The following VPS13C variants were observed in gnomAD, a reference collection of about 807,000 sequenced individuals.
VPS13C encodes intermembrane lipid transfer protein VPS13C.
VPS13C carries 358 observed loss-of-function variants against 456.8 expected under a neutral mutation model. The observed-to-expected ratio is 0.78, with a 90% CI of 0.72 to 0.86. The LOEUF is 0.86. Among genes scored for constraint, VPS13C ranks in the 40% least tolerant of loss-of-function variants. The pLI is 0.00. For synonymous variants in VPS13C, 1,578 were observed against 1,486.7 expected (o/e 1.06, Z -1.41); for missense variants, 4,818 against 4,385.4 (o/e 1.10, Z -2.79).
At position 61,927,223 on chromosome 15, in the gene VPS13C, C is replaced by A; in HGVS notation, c.6384G>T (p.Leu2128=). ...AAAGGTTGCACTGAAACGAGGCTGT[C>A]AGAGCAGGAGCATCAGCCTTTGTCA... The part of the protein sequence containing the change: ...ASLTKADAPA[L]TASFQCNLSL... The change falls in exon 52 of 85, where the codon CTG becomes CTT. Residue 2128 remains leucine (L), a synonymous_variant. Coordinates refer to ENST00000644861, the MANE Select transcript of VPS13C (RefSeq NM_020821.3). 2 of 1,614,146 alleles carry A rather than the reference C, an allele frequency of 1.2e-6. No homozygotes were observed. The highest frequency in any genetic ancestry group is 8.5e-7 in the Non-Finnish European group (1 of 1,180,030).
At chr15:61,861,675 C>G (rs868349325) in intron 82 of VPS13C, among the ~76,000 whole-genome samples, 1 of 151,980 alleles carries the variant, frequency 6.6e-6, no homozygotes, top group Non-Finnish European at 1.5e-5. Flanking sequence ...GACCCCATTT[C>G]TTTAAAAAAG....
At chr15:61,997,664 CT>C (rs2046434841) in intron 16 of VPS13C, among the ~76,000 whole-genome samples, 1 of 152,100 alleles carries the variant, frequency 6.6e-6, no homozygotes, top group South Asian at 2.1e-4. Flanking sequence ...GCATTTTTTA[CT>C]CTCTCTCCTA....
At chr15:62,016,842 G>A (rs1006157549) in intron 9 of VPS13C, among the ~76,000 whole-genome samples, 1 of 152,068 alleles carries the variant, frequency 6.6e-6, no homozygotes, top group Non-Finnish European at 1.5e-5. Flanking sequence ...CTGAGGAATC[G>A]CCACACTGTC....
intron 60 of VPS13C, among the ~76,000 whole-genome samples, chr15:61,917,139 G>C (rs1048581679): frequency 6.6e-6 from 1 of 152,066 alleles, no homozygotes; most frequent in Non-Finnish European, 1.5e-5. Flanking sequence ...AGAGTAAATA[G>C]GCTAATACAT....
chr15:61,942,197 G>A, intron 45 of VPS13C, 130 bp from the exon 46 acceptor site: 1 of 824,520 alleles, frequency 1.2e-6, no homozygotes, highest in East Asian at 2.7e-5. Context: ...TTTTGTGTAT[G>A]TAGAGAGTGA....
chr15:61,992,508 T>C (rs1162555873), intron 16 of VPS13C, among the ~76,000 whole-genome samples: 2 of 152,158 alleles, frequency 1.3e-5, no homozygotes, highest in African/African-American at 2.4e-5. Context: ...CGGTAACATA[T>C]TGTAAGCCTC....
intron 20 of VPS13C, 36 bp downstream of exon 20, chr15:61,983,784 G>C (rs752975918): frequency 6.3e-7 from 1 of 1,591,704 alleles, no homozygotes; most frequent in South Asian, 1.1e-5. Context: ...AGCATAAGAT[G>C]ATTTAAATAA....
intron 45 of VPS13C, among the ~76,000 whole-genome samples, chr15:61,945,503 T>C (rs1271415218): frequency 1.3e-5 from 2 of 152,236 alleles, no homozygotes; most frequent in Admixed American, 6.5e-5. Context: ...GGAAATGTTA[T>C]AGAATTACAG....
intron 16 of VPS13C, among the ~76,000 whole-genome samples, chr15:61,997,788 C>G (rs960319416): frequency 2.6e-5 from 4 of 152,106 alleles, no homozygotes; most frequent in Non-Finnish European, 4.4e-5. Flanking sequence ...GCTACTATCA[C>G]CACTCATCTC....
intron 32 of VPS13C, among the ~76,000 whole-genome samples, chr15:61,963,357 C>T (rs2045275039): frequency 6.6e-6 from 1 of 151,902 alleles, no homozygotes; most frequent in South Asian, 2.1e-4. Context: ...GTTTTGGCAG[C>T]TTTTACCTAA....
chr15:61,924,115 C>T (rs1174377272), intron 53 of VPS13C, among the ~76,000 whole-genome samples: 1 of 151,842 alleles, frequency 6.6e-6, no homozygotes, highest in East Asian at 1.9e-4. Context: ...ATCCGCCCGC[C>T]TCGGCCTCCC....
intron 27 of VPS13C, among the ~76,000 whole-genome samples, chr15:61,970,524 G>A (rs763867781): frequency 1.3e-5 from 2 of 152,124 alleles, no homozygotes; most frequent in African/African-American, 2.4e-5. Flanking sequence ...GGCCAAGTGC[G>A]GTGGCTCATG....
At chr15:62,008,403 A>G (rs1567103338) in intron 14 of VPS13C, among the ~76,000 whole-genome samples, 2 of 152,184 alleles carry the variant, frequency 1.3e-5, no homozygotes, top group Non-Finnish European at 2.9e-5. Flanking sequence ...TATCTCAAAA[A>G]AAAAAAGAAT....
Position 61,882,887 on chromosome 15 carries a change from C to G in VPS13C, c.9484-151G>C, listed in dbSNP as rs1402351568. 5.4e-6 allele frequency: 4 copies of G among 746,728 alleles called. No homozygotes were observed. In the African/African-American group the frequency reaches 7.3e-5, roughly 14 times the overall value. 46.3% of individuals were successfully genotyped at this position (746,728 alleles called of 1,614,324 possible). ...TTAAGGTGATCTACAGTTGAGATCTCTGAAGCAAAAGCACCACTTTTCTAC... is the reference window on the plus strand; with the variant it reads ...TTAAGGTGATCTACAGTTGAGATCTGTGAAGCAAAAGCACCACTTTTCTAC... On this transcript the variant is annotated intron_variant, in intron 68 of 84. Coordinates refer to ENST00000644861, the MANE Select transcript of VPS13C (RefSeq NM_020821.3).
In VPS13C at chr15:61,890,237, G is replaced by A. The variant is rs543674470; in HGVS notation, c.9269C>T (p.Ser3090Phe). The part of the protein sequence containing the change: ...MEQADYEITL[S>F]LHSLGLSLVN... The stretch of plus-strand genomic sequence containing the variant: ...CAGTGAAAGCCCAAGACTGTGGAGA[G>A]ACAAGGTTATTTCATAATCAGCCTG... Residue 3090 changes from serine (S) to phenylalanine (F), a missense_variant, in exon 67 of 85, where the codon TCT (serine) becomes TTT (phenylalanine). Ser to Phe is a radical substitution (Grantham distance 155, BLOSUM62 -2). Around this residue, in one of 3 missense-constraint regions of VPS13C, gnomAD observed 4,552 missense variants for 4,130.6 expected, o/e 1.10. Transcript: ENST00000644861. 1.2e-6 allele frequency: 2 copies of A among 1,614,062 alleles called. No individual in the cohort carries two copies. The highest frequency in any genetic ancestry group is 2.2e-5 in the South Asian group (2 of 91,080).
intron 66 of VPS13C, among the ~76,000 whole-genome samples, chr15:61,901,596 A>G (rs1333982406): frequency 4.6e-5 from 7 of 152,194 alleles, no homozygotes. Flanking sequence ...GGCAATCATT[A>G]AAAAGTCAGG....
chr15:61,917,769 C>A, intron 59 of VPS13C, 134 bp from the exon 60 acceptor site: 1 of 1,026,696 alleles, frequency 9.7e-7, no homozygotes, highest in Non-Finnish European at 1.3e-6. Context: ...GATGAGGAAA[C>A]CAGGGCTAAA....
intron 78 of VPS13C, among the ~76,000 whole-genome samples, chr15:61,872,645 T>C (rs897605240): frequency 5.9e-5 from 9 of 152,230 alleles, no homozygotes; most frequent in African/African-American, 2.2e-4. Context: ...GTAAAATACC[T>C]GTATATTCTA....
intron 80 of VPS13C, 88 bp from the exon 81 acceptor site, chr15:61,868,861 CA>C: frequency 9.4e-7 from 1 of 1,063,742 alleles, no homozygotes; most frequent in Non-Finnish European, 1.3e-6. Flanking sequence ...AAATATTTCA[CA>C]AAAAACAATC....
Sources: gnomAD v4.1 joint callset for allele counts (sites outside exome capture counted in the v4.1 genomes callset) on GRCh38, gnomAD v4.1.1 for gene constraint, gnomAD v4.1.1 regional missense constraint, MANE v1.5 for transcripts, NCBI Gene and HGNC (gene_info 2026-07-23, HGNC 2026-07-21) for gene names.